The following HMGA2 variants were observed in gnomAD, a reference collection of about 807,000 sequenced individuals.
The protein encoded by HMGA2 is high mobility group protein HMGI-C.
In HMGA2, 8 loss-of-function variants were observed where a neutral mutation model predicts 19.1. The observed-to-expected ratio is 0.42, with a 90% CI of 0.25 to 0.76. The LOEUF (loss-of-function observed/expected upper bound fraction) is 0.76, where lower values mean the gene tolerates loss of function less well. Among genes scored for constraint, HMGA2 ranks in the 30% least tolerant of loss-of-function variants. The probability of loss-of-function intolerance (pLI) is 0.28; values close to 1 mark genes in which losing one functional copy is unlikely to be tolerated. For missense variants in HMGA2, 109 were observed against 136.3 expected, an observed-to-expected ratio of 0.80 and a Z score of 1.00; for synonymous variants, 60 against 48.8, an observed-to-expected ratio of 1.23 and a Z score of -0.96.
intron 2 of HMGA2, 148 bp downstream of exon 2, chr12:65,828,235 A>G: frequency 1.5e-6 from 1 of 686,514 alleles, no homozygotes; most frequent in Non-Finnish European, 2.7e-6. Flanking sequence ...CATTAGTTAG[A>G]TGCGAGTTAA....
chr12:65,950,331 T>A (rs914192123), intron 3 of HMGA2, among the ~76,000 whole-genome samples: 2 of 152,158 alleles, frequency 1.3e-5, no homozygotes, highest in African/African-American at 4.8e-5. Flanking sequence ...AATGGATAGG[T>A]AAAATGTGGT....
intron 3 of HMGA2, among the ~76,000 whole-genome samples, chr12:65,923,705 A>T (rs574558444): frequency 6.6e-6 from 1 of 152,290 alleles, no homozygotes; most frequent in South Asian, 2.1e-4. Flanking sequence ...GCCAGACTTT[A>T]TCACCCGTAA....
At chr12:65,943,054 A>C (rs2121295230) in intron 3 of HMGA2, among the ~76,000 whole-genome samples, 2 of 152,244 alleles carry the variant, frequency 1.3e-5, no homozygotes, top group East Asian at 3.9e-4. Context: ...CCCCGCACTT[A>C]AGAAAACATT....
chr12:65,848,092 T>C (rs1196055044), intron 3 of HMGA2, among the ~76,000 whole-genome samples: 21 of 152,214 alleles, frequency 1.4e-4, no homozygotes, highest in Non-Finnish European at 1.5e-5. Context: ...CCAGGCCCAA[T>C]AGAAACTTCG....
At chr12:65,958,032 A>G (rs1876649764) in intron 4 of HMGA2, 1 of 152,214 alleles carries the variant, frequency 6.6e-6, no homozygotes, top group Non-Finnish European at 1.5e-5. Context: ...TGGTGGTCAC[A>G]TTTCTTACAC....
At chr12:65,855,454 T>TCACACA (rs1287271542) in intron 3 of HMGA2, among the ~76,000 whole-genome samples, 59 of 100,606 alleles carry the variant, frequency 5.9e-4, no homozygotes, top group African/African-American at 2.3e-3. Flanking sequence ...TCTCTCTCTC[T>TCACACA]CTCTCACACA....
intron 3 of HMGA2, among the ~76,000 whole-genome samples, chr12:65,907,313 G>A (rs1483548595): frequency 6.6e-6 from 1 of 151,714 alleles, no homozygotes; most frequent in East Asian, 1.9e-4. Context: ...AGGAAGCTGA[G>A]GCAGGAGAAT....
At chr12:65,927,853 A>ATG in intron 3 of HMGA2, among the ~76,000 whole-genome samples, 1 of 131,522 alleles carries the variant, frequency 7.6e-6, no homozygotes, top group African/African-American at 2.6e-5. Flanking sequence ...GTGTGTGTGT[A>ATG]TATATATTTT....
chr12:65,911,142 C>T lies in HMGA2; in HGVS notation c.250-40241C>T, dbSNP rs76720190. On this transcript the variant is annotated intron_variant, in intron 3 of 4. Coordinates refer to ENST00000403681, the MANE Select transcript of HMGA2 (RefSeq NM_003483.6). Reference sequence around the variant, plus strand: ...AACAATAGAACTATTTATTTCAAAACGACACTCCATGTATCCAACTCAATT... The same window carrying T: ...AACAATAGAACTATTTATTTCAAAATGACACTCCATGTATCCAACTCAATT... 2.8e-3 allele frequency among the ~76,000 whole-genome samples: 431 copies of T among 152,280 alleles called. 3 individuals are homozygous for T. The highest frequency in any genetic ancestry group is 9.5e-3 in the African/African-American group (396 of 41,556).
Position 65,878,987 on chromosome 12 carries a change from T to C in HMGA2, c.249+40418T>C, listed in dbSNP as rs183582062. Among the ~76,000 whole-genome samples, 268 of 152,338 alleles carry C rather than the reference T, an allele frequency of 1.8e-3. 1 individual carries two copies. The highest frequency in any genetic ancestry group is 6.1e-3 in the African/African-American group (252 of 41,572). ...TCGAATGTTGTCCTTTGTAAAGATATCCTATATAATGTTGCACAGAAACTG... is the reference window on the plus strand; with the variant it reads ...TCGAATGTTGTCCTTTGTAAAGATACCCTATATAATGTTGCACAGAAACTG... On this transcript the variant is annotated intron_variant, in intron 3 of 4. Coordinates refer to ENST00000403681, the MANE Select transcript of HMGA2 (RefSeq NM_003483.6).
intron 3 of HMGA2, among the ~76,000 whole-genome samples, chr12:65,865,717 C>G (rs1872366735): frequency 6.7e-6 from 1 of 148,612 alleles, no homozygotes; most frequent in South Asian, 2.2e-4. Context: ...TCACTGCAAA[C>G]TCCGTCTCCC....
At chr12:65,923,166 A>G (rs1875378834) in intron 3 of HMGA2, among the ~76,000 whole-genome samples, 1 of 152,186 alleles carries the variant, frequency 6.6e-6, no homozygotes, top group Non-Finnish European at 1.5e-5. Context: ...AAAGAAGGGC[A>G]GCGTGGTCCT....
chr12:65,931,554 TGTGTG>T, intron 3 of HMGA2, among the ~76,000 whole-genome samples: 1 of 65,796 alleles, frequency 1.5e-5, no homozygotes, highest in East Asian at 3.1e-3. Flanking sequence ...TAGATGTTTG[TGTGTG>T]TGTGTGTGTG....
At chr12:65,921,059 G>A (rs945621821) in intron 3 of HMGA2, among the ~76,000 whole-genome samples, 3 of 152,222 alleles carry the variant, frequency 2.0e-5, no homozygotes, top group Non-Finnish European at 1.5e-5. Flanking sequence ...AGATGGAGAT[G>A]AGGACCTTGT....
intron 3 of HMGA2, among the ~76,000 whole-genome samples, chr12:65,928,943 G>A (rs562363524): frequency 9.2e-4 from 140 of 152,260 alleles, no homozygotes; most frequent in African/African-American, 3.0e-3. Flanking sequence ...TATATGTAGT[G>A]TACTGTATAT....
At chr12:65,880,296 T>C (rs1025772745) in intron 3 of HMGA2, among the ~76,000 whole-genome samples, 3 of 152,214 alleles carry the variant, frequency 2.0e-5, no homozygotes, top group Non-Finnish European at 4.4e-5. Flanking sequence ...TCACAGAACC[T>C]AATGGCATGA....
At chr12:65,860,222 T>G (rs1565711064) in intron 3 of HMGA2, 1 of 233,632 alleles carries the variant, frequency 4.3e-6, no homozygotes, top group Admixed American at 4.5e-5. Context: ...CTGAGAATAT[T>G]TACATTAAAT....
At chr12:65,881,395 C>T in intron 3 of HMGA2, 1 of 298,314 alleles carries the variant, frequency 3.4e-6, no homozygotes. Context: ...TCTGCCTTCC[C>T]TCCAACATCC....
intron 3 of HMGA2, among the ~76,000 whole-genome samples, chr12:65,946,639 T>TAGCTG (rs1308165043): frequency 6.6e-6 from 1 of 152,186 alleles, no homozygotes; most frequent in African/African-American, 2.4e-5. Flanking sequence ...AGGAGTGGCT[T>TAGCTG]AGCTGTCTGA....
Sources: gnomAD v4.1 joint callset for allele counts (sites outside exome capture counted in the v4.1 genomes callset) on GRCh38, gnomAD v4.1.1 for gene constraint, MANE v1.5 for transcripts, NCBI Gene and HGNC (gene_info 2026-07-23, HGNC 2026-07-21) for gene names.